The following PDE12 variants were observed in gnomAD, a reference collection of about 807,000 sequenced individuals.
The protein encoded by PDE12 is phosphodiesterase 12.
In PDE12, 26 loss-of-function variants were observed where a neutral mutation model predicts 45.4. That is an observed-to-expected ratio of 0.57 (90% confidence interval 0.42 to 0.79). The LOEUF (loss-of-function observed/expected upper bound fraction) is 0.79, where lower values mean the gene tolerates loss of function less well. Among genes scored for constraint, PDE12 ranks in the 30% least tolerant of loss-of-function variants. The probability of loss-of-function intolerance (pLI) is 0.00; values close to 1 mark genes in which losing one functional copy is unlikely to be tolerated. For missense variants in PDE12, 668 were observed against 790.0 expected, an observed-to-expected ratio of 0.85 and a Z score of 1.85; for synonymous variants, 283 against 323.9, an observed-to-expected ratio of 0.87 and a Z score of 1.36.
At chr3:57,624,710 G>C in the PDE12 span, among the ~76,000 whole-genome samples, 3 of 151,338 alleles carry the variant, frequency 2.0e-5, no homozygotes, top group Non-Finnish European at 1.5e-5. Context: ...ATTGCAGTGA[G>C]CAGAGATCAC....
downstream of PDE12, among the ~76,000 whole-genome samples, chr3:57,567,558 A>T (rs981688078): frequency 4.6e-5 from 7 of 152,224 alleles, no homozygotes; most frequent in African/African-American, 1.7e-4. Context: ...TAGCATAGTA[A>T]GAAATAACAG....
At chr3:57,571,433 A>G (rs6906), downstream of PDE12, 38,314 of 152,546 alleles carry the variant, frequency 0.25, 6,912 homozygotes, top group African/African-American at 0.5. Context: ...ATCGAATTTG[A>G]TGAGTTTTCC....
At chr3:57,614,530 T>G in the PDE12 span, among the ~76,000 whole-genome samples, 10 of 134,710 alleles carry the variant, frequency 7.4e-5, no homozygotes, top group African/African-American at 1.6e-4. Flanking sequence ...TCCGTTTTTT[T>G]TTTTTTGTTT....
the PDE12 span, among the ~76,000 whole-genome samples, chr3:57,653,439 C>T: frequency 6.6e-6 from 1 of 152,094 alleles, no homozygotes. Context: ...GGAAACTTCT[C>T]TCGAACTAAA....
chr3:57,610,967 G>A, the PDE12 span, among the ~76,000 whole-genome samples: 12 of 152,006 alleles, frequency 7.9e-5, no homozygotes, highest in African/African-American at 2.9e-4. Context: ...GAGGCATCAC[G>A]CTACATGACT....
the PDE12 span, among the ~76,000 whole-genome samples, chr3:57,639,245 T>C: frequency 2.6e-5 from 4 of 152,180 alleles, no homozygotes; most frequent in Non-Finnish European, 5.9e-5. Context: ...AGAATGGCCA[T>C]AATGAAAATG....
the PDE12 span, among the ~76,000 whole-genome samples, chr3:57,612,951 A>C: frequency 6.6e-6 from 1 of 152,134 alleles, no homozygotes; most frequent in East Asian, 1.9e-4. Context: ...TGAGTAAAAA[A>C]GCAAGAATGA....
intron 1 of PDE12, among the ~76,000 whole-genome samples, chr3:57,558,028 G>A (rs1214358594): frequency 6.6e-6 from 1 of 152,202 alleles, no homozygotes; most frequent in Admixed American, 6.5e-5. Flanking sequence ...ACATTTTAAA[G>A]TACTTAAAAT....
downstream of PDE12, among the ~76,000 whole-genome samples, chr3:57,570,731 T>C (rs2069832661): frequency 6.6e-6 from 1 of 152,146 alleles, no homozygotes; most frequent in African/African-American, 2.4e-5. Context: ...ATGAATTATA[T>C]GCAGCTTTCT....
At chr3:57,632,210 G>A in the PDE12 span, among the ~76,000 whole-genome samples, 26 of 142,576 alleles carry the variant, frequency 1.8e-4, 1 homozygote, top group Admixed American at 1.1e-3. Flanking sequence ...TAGTAGAGAC[G>A]AGACGGGGTT....
intron 1 of PDE12, 104 bp downstream of exon 1, chr3:57,557,791 T>C (rs2069683304): frequency 9.8e-7 from 1 of 1,017,958 alleles, no homozygotes. Flanking sequence ...TATCCAGATA[T>C]TGTTGAAAGG....
At chr3:57,586,713 CAG>C in the PDE12 span, among the ~76,000 whole-genome samples, 1 of 151,940 alleles carries the variant, frequency 6.6e-6, no homozygotes, top group Non-Finnish European at 1.5e-5. Context: ...TCAAAAAAAT[CAG>C]AAAACATAAT....
the PDE12 span, among the ~76,000 whole-genome samples, chr3:57,586,953 ACG>A: frequency 6.6e-6 from 1 of 152,078 alleles, no homozygotes; most frequent in Non-Finnish European, 1.5e-5. Context: ...ACACACACAC[ACG>A]CACACACACA....
chr3:57,629,506 G>GC, the PDE12 span, among the ~76,000 whole-genome samples: 3 of 132,652 alleles, frequency 2.3e-5, no homozygotes, highest in African/African-American at 8.3e-5. Flanking sequence ...AAATCAGTCC[G>GC]CTTTTTTTTT....
At chr3:57,602,378 T>C in the PDE12 span, among the ~76,000 whole-genome samples, 2 of 152,190 alleles carry the variant, frequency 1.3e-5, no homozygotes, top group African/African-American at 4.8e-5. Flanking sequence ...TAAACACTTA[T>C]TTATCTGCAC....
chr3:57,575,590 T>G, the PDE12 span: 1 of 1,613,464 alleles, frequency 6.2e-7, no homozygotes, highest in East Asian at 2.2e-5. Context: ...TATCTGTCAT[T>G]TCACTGATGG....
the PDE12 span, among the ~76,000 whole-genome samples, chr3:57,615,141 G>A: frequency 6.6e-6 from 1 of 151,864 alleles, no homozygotes; most frequent in South Asian, 2.1e-4. Flanking sequence ...TCAAACTCCT[G>A]AGCTCAGACA....
At chr3:57,572,906 G>C in the PDE12 span, among the ~76,000 whole-genome samples, 1 of 151,564 alleles carries the variant, frequency 6.6e-6, no homozygotes, top group African/African-American at 2.4e-5. Flanking sequence ...ATTTTTGAAA[G>C]AGTAGGGTTT....
At chr3:57,640,084 C>T in the PDE12 span, among the ~76,000 whole-genome samples, 4 of 151,708 alleles carry the variant, frequency 2.6e-5, no homozygotes, top group Admixed American at 2.0e-4. Context: ...AACTGGCCAA[C>T]ATGGTGAAAC....
Sources: allele counts gnomAD v4.1 joint callset (sites outside exome capture counted in the v4.1 genomes callset), GRCh38; gene constraint gnomAD v4.1.1; transcripts MANE v1.5; gene names NCBI Gene and HGNC (gene_info 2026-07-23, HGNC 2026-07-21).